The following MCUB variants were observed in gnomAD, a reference collection of about 807,000 sequenced individuals.
MCUB encodes the protein calcium uniporter regulatory subunit MCUb, mitochondrial.
MCUB carries 46 observed loss-of-function variants against 41.4 expected under a neutral mutation model. That is an observed-to-expected ratio of 1.11 (90% CI 0.88 to 1.42). The LOEUF (loss-of-function observed/expected upper bound fraction) is 1.42, where lower values mean the gene tolerates loss of function less well. Ranked by LOEUF, MCUB falls within the 40% of genes most tolerant of loss-of-function variation. MCUB has a pLI of 0.00. For synonymous variants in MCUB, 148 were observed against 148.2 expected, an observed-to-expected ratio of 1.00 and a Z score of 0.01; for missense variants, 403 against 404.9, an observed-to-expected ratio of 1.00 and a Z score of 0.04.
intron 1 of MCUB, among the ~76,000 whole-genome samples, chr4:109,627,502 T>C (rs1256205539): frequency 6.6e-6 from 1 of 152,194 alleles, no homozygotes; most frequent in African/African-American, 2.4e-5. Flanking sequence ...TGTCACATTA[T>C]CTTGTAGTTG....
intron 4 of MCUB, among the ~76,000 whole-genome samples, chr4:109,668,041 G>C (rs1276063720): frequency 2.0e-5 from 3 of 151,912 alleles, no homozygotes; most frequent in Non-Finnish European, 1.5e-5. Context: ...TTACTCATGT[G>C]AGTTTTATAG....
At chr4:109,675,675 G>A (rs1376816934) in intron 4 of MCUB, among the ~76,000 whole-genome samples, 1 of 152,314 alleles carries the variant, frequency 6.6e-6, no homozygotes, top group East Asian at 1.9e-4. Flanking sequence ...TGTGGTGTTG[G>A]GATGTGAGGC....
At chr4:109,580,116 G>C (rs541137149) in intron 1 of MCUB, among the ~76,000 whole-genome samples, 3 of 152,136 alleles carry the variant, frequency 2.0e-5, no homozygotes, top group East Asian at 3.9e-4. Flanking sequence ...AATTGTGAGT[G>C]AGAACATGCG....
At chr4:109,591,921 A>C (rs888133369) in intron 1 of MCUB, among the ~76,000 whole-genome samples, 13 of 151,378 alleles carry the variant, frequency 8.6e-5, no homozygotes, top group African/African-American at 3.2e-4. Context: ...GCTGGTCTTG[A>C]ACTCCTGACC....
At position 109,658,974 on chromosome 4, in the gene MCUB, T is replaced by C. The variant is rs1228648285; in HGVS notation, c.100-37T>C. The C allele has an allele frequency of 2.0e-5, 24 of 1,174,572 alleles. No homozygotes were observed. In the East Asian group the frequency reaches 3.6e-4, roughly 17 times the overall value. The allele number at this position is 1,174,572 out of a possible 1,614,324, so 72.8% of individuals were successfully genotyped here. On this transcript the variant is annotated intron_variant, in intron 1 of 7. Transcript: ENST00000394650. ...ACACTTATTTCATCTTTCCCACTCTTTTTTTAAAAAAACAAATTAATTTTT... is the reference window on the plus strand; with the variant it reads ...ACACTTATTTCATCTTTCCCACTCTCTTTTTAAAAAAACAAATTAATTTTT...
chr4:109,566,927 A>G (rs866973617), intron 1 of MCUB, among the ~76,000 whole-genome samples: 120 of 152,316 alleles, frequency 7.9e-4, no homozygotes, highest in African/African-American at 2.8e-3. Context: ...CCTGACCAAT[A>G]TGGTGAAACC....
At chr4:109,648,459 G>A (rs912057524) in intron 1 of MCUB, 3 of 312,642 alleles carry the variant, frequency 9.6e-6, no homozygotes, top group East Asian at 8.7e-5. Flanking sequence ...AATGCCAAAC[G>A]TATTCTGTTT....
chr4:109,564,553 A>G (rs941221370), intron 1 of MCUB, among the ~76,000 whole-genome samples: 3 of 152,232 alleles, frequency 2.0e-5, no homozygotes, highest in African/African-American at 7.2e-5. Flanking sequence ...TTTATCATGC[A>G]GATTTCATAG....
intron 4 of MCUB, among the ~76,000 whole-genome samples, chr4:109,669,921 T>G (rs1051496106): frequency 1.3e-5 from 2 of 152,232 alleles, no homozygotes; most frequent in Non-Finnish European, 2.9e-5. Flanking sequence ...TGTTCTTGCA[T>G]GTTATCTACT....
chr4:109,630,830 C>T (rs1361113600), intron 1 of MCUB, among the ~76,000 whole-genome samples: 1 of 152,160 alleles, frequency 6.6e-6, no homozygotes, highest in African/African-American at 2.4e-5. Flanking sequence ...ACCCACCCGC[C>T]TCAGCCTCCC....
At chr4:109,593,241 T>TA (rs1246507061) in intron 1 of MCUB, among the ~76,000 whole-genome samples, 1 of 152,204 alleles carries the variant, frequency 6.6e-6, no homozygotes, top group Non-Finnish European at 1.5e-5. Flanking sequence ...TTACGTAATT[T>TA]AAAAAAGAGT....
chr4:109,628,277 G>A (rs1728404857), intron 1 of MCUB, among the ~76,000 whole-genome samples: 1 of 152,188 alleles, frequency 6.6e-6, no homozygotes, highest in Non-Finnish European at 1.5e-5. Flanking sequence ...TAGAAGGCCA[G>A]TGCGCCTGGA....
chr4:109,671,972 A>G (rs1729468080), intron 4 of MCUB, among the ~76,000 whole-genome samples: 1 of 152,084 alleles, frequency 6.6e-6, no homozygotes, highest in Admixed American at 6.6e-5. Context: ...GGGTTTCCCT[A>G]TAAATTCTTT....
At chr4:109,613,113 A>G (rs1167990968) in intron 1 of MCUB, among the ~76,000 whole-genome samples, 2 of 152,084 alleles carry the variant, frequency 1.3e-5, no homozygotes, top group African/African-American at 2.4e-5. Context: ...CTCAAAAAAG[A>G]AAAAAAAGAA....
rs983192886 is a variant in MCUB, at chr4:109,681,517, T to G, written c.452-1065T>G. 5 of 446,096 alleles carry G rather than the reference T, an allele frequency of 1.1e-5. No individual in the cohort carries two copies. The Admixed American group carries it at 1.2e-4, about 11-fold the overall frequency. The allele number at this position is 446,096 out of a possible 1,614,324, so 27.6% of individuals were successfully genotyped here. On this transcript the variant is annotated intron_variant, in intron 4 of 7. Transcript: ENST00000394650. ...CAAGATGATGGCAAGCCTCGTGTTC[T>G]CTGACCTGGGGTTCTTGGCCTCACG...
At chr4:109,602,673 A>G (rs1727770196) in intron 1 of MCUB, among the ~76,000 whole-genome samples, 1 of 152,088 alleles carries the variant, frequency 6.6e-6, no homozygotes, top group African/African-American at 2.4e-5. Flanking sequence ...TGCTTAGGAT[A>G]GTTTTGGCTA....
At chr4:109,637,810 T>C (rs1453999053) in intron 1 of MCUB, among the ~76,000 whole-genome samples, 1 of 152,170 alleles carries the variant, frequency 6.6e-6, no homozygotes, top group Non-Finnish European at 1.5e-5. Flanking sequence ...ACTTGGGTAA[T>C]GAATGCACCA....
intron 1 of MCUB, among the ~76,000 whole-genome samples, chr4:109,622,694 A>G (rs74461743): frequency 0.014 from 2,090 of 152,326 alleles, 24 homozygotes; most frequent in Non-Finnish European, 0.02. Context: ...TGCCCACAGC[A>G]CCCCAAACTT....
chr4:109,569,392 GAT>G (rs1726856596), intron 1 of MCUB, among the ~76,000 whole-genome samples: 1 of 150,392 alleles, frequency 6.6e-6, no homozygotes, highest in East Asian at 2.0e-4. Flanking sequence ...TTTTATTTCA[GAT>G]ATACTTTCAT....
Sources: allele counts gnomAD v4.1 joint callset (sites outside exome capture counted in the v4.1 genomes callset), GRCh38; gene constraint gnomAD v4.1.1; transcripts MANE v1.5; gene names NCBI Gene and HGNC (gene_info 2026-07-23, HGNC 2026-07-21).